CACNA1D: variants seen among roughly 807,000 people sequenced by gnomAD.
CACNA1D encodes voltage-dependent L-type calcium channel subunit alpha-1D.
CACNA1D carries 55 observed loss-of-function variants against 257.1 expected under a neutral mutation model. The observed-to-expected ratio is 0.21, with a 90% CI of 0.17 to 0.27. CACNA1D has a LOEUF of 0.27. CACNA1D is among the 10% of genes least tolerant of loss of function. The pLI is 1.00. For synonymous variants in CACNA1D, 980 were observed against 1,014.9 expected (o/e 0.97, Z 0.65); for missense variants, 1,876 against 2,784.0 (o/e 0.67, Z 7.34).
At chr3:53,591,054 G>A (rs1164875947) in intron 3 of CACNA1D, among the ~76,000 whole-genome samples, 3 of 152,096 alleles carry the variant, frequency 2.0e-5, no homozygotes, top group Non-Finnish European at 4.4e-5. Context: ...TGCAGTTGCA[G>A]CTCACTTCCC....
intron 3 of CACNA1D, among the ~76,000 whole-genome samples, chr3:53,534,883 C>G (rs1271250507): frequency 6.6e-6 from 1 of 152,226 alleles, no homozygotes; most frequent in East Asian, 1.9e-4. Context: ...CCAGCTCCCC[C>G]ACGGAACGTT....
At chr3:53,739,574 A>C (rs2095094361) in intron 20 of CACNA1D, among the ~76,000 whole-genome samples, 1 of 152,170 alleles carries the variant, frequency 6.6e-6, no homozygotes, top group African/African-American at 2.4e-5. Flanking sequence ...CTGAAAATTC[A>C]AAGACCAAGT....
intron 3 of CACNA1D, among the ~76,000 whole-genome samples, chr3:53,602,971 G>A (rs1027430390): frequency 3.3e-5 from 5 of 152,196 alleles, no homozygotes; most frequent in South Asian, 2.1e-4. Context: ...TCTCTCCAGC[G>A]GACGAAGTTG....
chr3:53,763,312 G>A (rs867884220), intron 30 of CACNA1D, among the ~76,000 whole-genome samples: 2 of 152,194 alleles, frequency 1.3e-5, no homozygotes, highest in South Asian at 4.1e-4. Context: ...CATTGTAGAT[G>A]GAGTGAACCA....
chr3:53,754,951 G>A (rs981535980), intron 29 of CACNA1D, among the ~76,000 whole-genome samples: 1 of 152,222 alleles, frequency 6.6e-6, no homozygotes, highest in Non-Finnish European at 1.5e-5. Flanking sequence ...ATTTGTAAGT[G>A]ATTAATTGGG....
intron 9 of CACNA1D, among the ~76,000 whole-genome samples, chr3:53,706,510 C>T (rs1285568669): frequency 1.3e-5 from 2 of 152,138 alleles, no homozygotes; most frequent in African/African-American, 4.8e-5. Context: ...ATATATCTCC[C>T]CATGGGGCTG....
chr3:53,686,912 G>A (rs1360598902), intron 8 of CACNA1D, among the ~76,000 whole-genome samples: 2 of 152,016 alleles, frequency 1.3e-5, no homozygotes, highest in African/African-American at 4.8e-5. Flanking sequence ...CCAAAAACCT[G>A]CTAGAATTAA....
intron 3 of CACNA1D, among the ~76,000 whole-genome samples, chr3:53,511,584 AG>A (rs2091113868): frequency 6.6e-6 from 1 of 152,148 alleles, no homozygotes; most frequent in African/African-American, 2.4e-5. Context: ...CATGTTTTTC[AG>A]GGGTCAGGGT....
chr3:53,579,119 C>T (rs1424161832), intron 3 of CACNA1D, among the ~76,000 whole-genome samples: 1 of 152,188 alleles, frequency 6.6e-6, no homozygotes, highest in Non-Finnish European at 1.5e-5. Flanking sequence ...CTGCAGGTGA[C>T]TTCCAGGGAT....
intron 3 of CACNA1D, among the ~76,000 whole-genome samples, chr3:53,594,196 G>A (rs1233841287): frequency 6.6e-6 from 1 of 152,212 alleles, no homozygotes; most frequent in Non-Finnish European, 1.5e-5. Context: ...AGCGACAAAA[G>A]TTAGAAAACC....
In CACNA1D at chr3:53,723,728, C is replaced by G; in HGVS notation, c.1893-64C>G. ...GGCGGCAACCAGTCACATCCCCGGG[C>G]AGGTGATGTTCTGCTCTGTCCTGCA... On this transcript the variant is annotated intron_variant, in intron 13 of 47. Coordinates refer to ENST00000350061, the MANE Select transcript of CACNA1D (RefSeq NM_001128840.3). This position sits in a 1 kb window ranked among gnomAD's most constrained non-coding sequence, Gnocchi z 5.6. 3.8e-6 allele frequency: 6 copies of G among 1,585,250 alleles called. No homozygotes were observed. The highest frequency in any genetic ancestry group is 5.2e-6 in the Non-Finnish European group (6 of 1,153,698).
intron 9 of CACNA1D, 126 bp from the exon 10 acceptor site, chr3:53,718,175 G>T: frequency 1.2e-6 from 1 of 800,860 alleles, no homozygotes; most frequent in East Asian, 2.5e-5. Flanking sequence ...CTGAGGCCCT[G>T]AGGGCCCTTT....
At chr3:53,736,307 C>T (rs988576585) in intron 20 of CACNA1D, among the ~76,000 whole-genome samples, 2 of 151,764 alleles carry the variant, frequency 1.3e-5, no homozygotes, top group African/African-American at 4.8e-5. Context: ...CACCACTGCA[C>T]TCCAGCCTCA....
intron 2 of CACNA1D, among the ~76,000 whole-genome samples, chr3:53,499,135 A>G (rs899132524): frequency 1.3e-5 from 2 of 152,050 alleles, no homozygotes. Flanking sequence ...TGTGCACGGT[A>G]ATGTGTACAT....
At chr3:53,767,579 AAAC>A (rs2095341135) in intron 30 of CACNA1D, among the ~76,000 whole-genome samples, 1 of 151,656 alleles carries the variant, frequency 6.6e-6, no homozygotes, top group African/African-American at 2.4e-5. Context: ...AAAAAAAAAA[AAAC>A]AACAAAATAA....
intron 3 of CACNA1D, among the ~76,000 whole-genome samples, chr3:53,594,800 C>T (rs2093350860): frequency 6.6e-6 from 1 of 152,236 alleles, no homozygotes. Context: ...GTGTATGTGG[C>T]AGCCACTGTC....
chr3:53,555,507 GA>G (rs922213000), intron 3 of CACNA1D, among the ~76,000 whole-genome samples: 1 of 134,604 alleles, frequency 7.4e-6, no homozygotes, highest in African/African-American at 2.8e-5. Flanking sequence ...AGGGAACAGA[GA>G]AATAAGTTGA....
At chr3:53,781,076 T>G (rs896393185) in intron 38 of CACNA1D, among the ~76,000 whole-genome samples, 1 of 152,192 alleles carries the variant, frequency 6.6e-6, no homozygotes, top group Non-Finnish European at 1.5e-5. Context: ...GACATGTTAG[T>G]TGAAAAGACA....
At position 53,770,078 on chromosome 3, in the gene CACNA1D, C is replaced by T. The variant is rs1177330179; in HGVS notation, c.3915+61C>T. Reference sequence around the variant, plus strand: ...TTTCCTTAAGTTTATTTGACCATGTCGAGTTTTCCACTGGTTTTTCTGTAT... The same window carrying T: ...TTTCCTTAAGTTTATTTGACCATGTTGAGTTTTCCACTGGTTTTTCTGTAT... On this transcript the variant is annotated intron_variant, in intron 31 of 47. Transcript: ENST00000350061. 1.0e-5 allele frequency: 14 copies of T among 1,350,172 alleles called. No individual in the cohort carries two copies. In the East Asian group the frequency reaches 1.4e-4, roughly 13 times the overall value. The allele number at this position is 1,350,172 out of a possible 1,614,324, so 83.6% of individuals were successfully genotyped here.
Sources: allele counts gnomAD v4.1 joint callset (sites outside exome capture counted in the v4.1 genomes callset), GRCh38; gene constraint gnomAD v4.1.1; non-coding constraint Gnocchi (gnomAD v3.1); transcripts MANE v1.5; gene names NCBI Gene and HGNC (gene_info 2026-07-23, HGNC 2026-07-21).